Variants in RBFOX1 observed in about 807,000 individuals in gnomAD.
RBFOX1 encodes RNA binding protein fox-1 homolog 1.
RBFOX1 carries 8 observed loss-of-function variants against 57.7 expected under a neutral mutation model. That is an observed-to-expected ratio of 0.14 (90% confidence interval 0.08 to 0.25). The LOEUF (loss-of-function observed/expected upper bound fraction) is 0.25, where lower values mean the gene tolerates loss of function less well. Among genes scored for constraint, RBFOX1 ranks in the 10% least tolerant of loss-of-function variants. The pLI is 1.00. For synonymous variants in RBFOX1, 326 were observed against 222.4 expected (o/e 1.47, Z -4.15); for missense variants, 611 against 548.5 (o/e 1.11, Z -1.14).
chr16:5,832,249 G>C (rs561221681), intron 3 of RBFOX1, among the ~76,000 whole-genome samples: 2 of 152,360 alleles, frequency 1.3e-5, no homozygotes, highest in African/African-American at 4.8e-5. Flanking sequence ...AGGGCCTCCT[G>C]AAACAGGAGT....
chr16:5,854,610 G>A (rs949176484), intron 3 of RBFOX1, among the ~76,000 whole-genome samples: 2 of 137,076 alleles, frequency 1.5e-5, no homozygotes, highest in Admixed American at 1.5e-4. Flanking sequence ...ACACACACAT[G>A]CACACCACAT....
At chr16:7,296,783 C>T (rs2095901509) in intron 4 of RBFOX1, among the ~76,000 whole-genome samples, 1 of 152,118 alleles carries the variant, frequency 6.6e-6, no homozygotes, top group Non-Finnish European at 1.5e-5. Context: ...TCCACAATAG[C>T]TTTAGACATT....
intron 3 of RBFOX1, among the ~76,000 whole-genome samples, chr16:6,912,830 G>A (rs887479214): frequency 8.6e-5 from 13 of 151,862 alleles, no homozygotes; most frequent in African/African-American, 2.9e-4. Context: ...GTGTTGCCCA[G>A]GCTAGACTCA....
chr16:5,594,301 C>A (rs1043493860), intron 2 of RBFOX1, among the ~76,000 whole-genome samples: 1 of 152,106 alleles, frequency 6.6e-6, no homozygotes, highest in Non-Finnish European at 1.5e-5. Context: ...TAGGTGGGCA[C>A]ATAAACGCTC....
At position 6,802,403 on chromosome 16, in the gene RBFOX1, G is replaced by A. The variant is rs150289612; in HGVS notation, c.-16+147753G>A. The stretch of plus-strand genomic sequence containing the variant: ...TAGAAAGTCCATGTTATGGCCTGGC[G>A]CAGTGGCTCATGCCTATAATTCCAG... On this transcript the variant is annotated intron_variant, in intron 3 of 15. Transcript: ENST00000550418. Among the ~76,000 whole-genome samples, 14 of 152,180 alleles carry A rather than the reference G, an allele frequency of 9.2e-5. 1 individual carries two copies. The highest frequency in any genetic ancestry group is 6.2e-4 in the South Asian group (3 of 4,824).
intron 3 of RBFOX1, among the ~76,000 whole-genome samples, chr16:5,705,070 C>A (rs958908090): frequency 6.6e-6 from 1 of 152,060 alleles, no homozygotes; most frequent in Non-Finnish European, 1.5e-5. Context: ...AATATGTAAC[C>A]ACACATTGTA....
rs537975259 is a variant in RBFOX1, at chr16:5,723,796, G to A, written c.318+124835G>A. Among the ~76,000 whole-genome samples, 6 of 152,362 alleles carry A rather than the reference G, an allele frequency of 3.9e-5. No homozygotes were observed. In the East Asian group the frequency reaches 1.2e-3, roughly 29 times the overall value. ...CCCACAGGCAGCTATGGAGAAAGCA[G>A]TGGAGGTCTCATGGACTGCCCTAGT... On this transcript the variant is annotated intron_variant, in intron 3 of 19. Coordinates refer to the RBFOX1 transcript ENST00000641259.
intron 5 of RBFOX1, among the ~76,000 whole-genome samples, chr16:7,538,684 A>G (rs1507024): frequency 0.083 from 12,575 of 152,212 alleles, 685 homozygotes; most frequent in African/African-American, 0.16. Flanking sequence ...ACCCCAAACA[A>G]ACATTTTATT....
At chr16:6,106,389 C>A (rs1241653414) in intron 1 of RBFOX1, among the ~76,000 whole-genome samples, 1 of 144,138 alleles carries the variant, frequency 6.9e-6, no homozygotes, top group African/African-American at 2.6e-5. Flanking sequence ...TTGCTTGACC[C>A]CTGGAGTGGG....
At chr16:6,755,678 A>G (rs993632834) in intron 3 of RBFOX1, among the ~76,000 whole-genome samples, 1 of 152,188 alleles carries the variant, frequency 6.6e-6, no homozygotes, top group Admixed American at 6.5e-5. Context: ...TCACTTTGCT[A>G]TAAATATAAT....
At chr16:7,254,040 T>G (rs2094583848) in intron 4 of RBFOX1, among the ~76,000 whole-genome samples, 1 of 152,134 alleles carries the variant, frequency 6.6e-6, no homozygotes. Context: ...CCTAACATGT[T>G]TTTGAGAGTT....
chr16:7,318,282 A>T (rs965341725), intron 4 of RBFOX1, among the ~76,000 whole-genome samples: 2 of 151,072 alleles, frequency 1.3e-5, no homozygotes, highest in Non-Finnish European at 3.0e-5. Context: ...AGTGTTGGTG[A>T]TAGTAATGGT....
At chr16:7,019,844 A>G (rs114165570) in intron 3 of RBFOX1, among the ~76,000 whole-genome samples, 4,193 of 152,082 alleles carry the variant, frequency 0.028, 176 homozygotes, top group African/African-American at 0.094. Context: ...GCTGTTCCAC[A>G]CCTCCCAATC....
intron 1 of RBFOX1, among the ~76,000 whole-genome samples, chr16:6,063,326 G>A (rs1479011283): frequency 6.6e-6 from 1 of 152,086 alleles, no homozygotes; most frequent in Non-Finnish European, 1.5e-5. Flanking sequence ...TCCTCATGAT[G>A]AGGGGAACAG....
chr16:7,681,562 T>C (rs4787058), intron 14 of RBFOX1, among the ~76,000 whole-genome samples: 144,747 of 152,212 alleles, frequency 0.95, 69,249 homozygotes, highest in East Asian at 1. Flanking sequence ...TAATTGGAGT[T>C]CTTATCCGAT....
intron 4 of RBFOX1, among the ~76,000 whole-genome samples, chr16:7,233,946 C>T (rs1220159004): frequency 2.6e-5 from 4 of 152,188 alleles, no homozygotes; most frequent in African/African-American, 7.2e-5. Flanking sequence ...TCTTGACTGG[C>T]TTGACTGGTC....
rs149420798 is a variant in RBFOX1 at position 7,223,457 on chromosome 16, C to T, written c.27+171359C>T. 4.7e-3 allele frequency among the ~76,000 whole-genome samples: 721 copies of T among 152,178 alleles called. 18 individuals are homozygous for T. The highest frequency in any genetic ancestry group is 0.031 in the Admixed American group (480 of 15,290). On this transcript the variant is annotated intron_variant, in intron 4 of 15. Coordinates refer to ENST00000550418, the MANE Select transcript of RBFOX1 (RefSeq NM_018723.4). The stretch of plus-strand genomic sequence containing the variant: ...ATATTCCATTGAATCATGACAAATT[C>T]GCATTGGTAATGCGAATGATAGAAT...
intron 4 of RBFOX1, among the ~76,000 whole-genome samples, chr16:7,293,243 A>G (rs1481062316): frequency 6.6e-6 from 1 of 152,196 alleles, no homozygotes; most frequent in East Asian, 1.9e-4. Context: ...AATGCATTGA[A>G]ACAACTATTT....
intron 3 of RBFOX1, among the ~76,000 whole-genome samples, chr16:5,818,575 A>C (rs2055730201): frequency 6.6e-6 from 1 of 152,354 alleles, no homozygotes; most frequent in South Asian, 2.1e-4. Context: ...TAAGTCCATT[A>C]ATAAGCATTT....
Sources: allele counts gnomAD v4.1 joint callset (sites outside exome capture counted in the v4.1 genomes callset), GRCh38; gene constraint gnomAD v4.1.1; transcripts MANE v1.5; gene names NCBI Gene and HGNC (gene_info 2026-07-23, HGNC 2026-07-21).